Variants in GARRE1 observed in about 807,000 individuals in gnomAD.
GARRE1 encodes granule associated Rac and RHOG effector protein 1.
A neutral mutation model predicts 103.2 loss-of-function variants in GARRE1; 49 were observed. The ratio of observed to expected loss-of-function variants is 0.47; its 90% CI spans 0.38 to 0.60. GARRE1 has a LOEUF of 0.60. Among genes scored for constraint, GARRE1 ranks in the 20% least tolerant of loss-of-function variants. GARRE1 has a pLI of 0.00. For missense variants in GARRE1, 1,199 were observed against 1,370.5 expected (o/e 0.87, Z 1.98); for synonymous variants, 505 against 532.8 (o/e 0.95, Z 0.72).
At chr19:34,339,766 G>C in intron 8 of GARRE1, 101 bp from the exon 9 acceptor site, 1 of 1,433,238 alleles carries the variant, frequency 7.0e-7, no homozygotes. Context: ...TTTGCTGGGC[G>C]CCAGAGGTAC....
intron 6 of GARRE1, among the ~76,000 whole-genome samples, 195 bp downstream of exon 6, chr19:34,328,346 A>T: frequency 6.6e-6 from 1 of 152,072 alleles, no homozygotes; most frequent in East Asian, 2.0e-4. Context: ...CCTGATCAAC[A>T]TGGTGAAACC....
At chr19:34,344,706 G>A (rs1302378960) in intron 10 of GARRE1, among the ~76,000 whole-genome samples, 1 of 151,832 alleles carries the variant, frequency 6.6e-6, no homozygotes, top group Non-Finnish European at 1.5e-5. Flanking sequence ...AGAGTCTCAC[G>A]TTGTTGCCCA....
intron 2 of GARRE1, among the ~76,000 whole-genome samples, chr19:34,308,916 G>A (rs1310936079): frequency 6.6e-6 from 1 of 152,128 alleles, no homozygotes; most frequent in Non-Finnish European, 1.5e-5. Flanking sequence ...TTGGAAGGTT[G>A]CTGAGGAACC....
chr19:34,328,346 A>C (rs529798166), intron 6 of GARRE1, among the ~76,000 whole-genome samples, 195 bp downstream of exon 6: 18 of 152,072 alleles, frequency 1.2e-4, no homozygotes, highest in Non-Finnish European at 2.5e-4. Context: ...CCTGATCAAC[A>C]TGGTGAAACC....
chr19:34,291,200 G>A (rs897718992), intron 1 of GARRE1, among the ~76,000 whole-genome samples: 3 of 151,906 alleles, frequency 2.0e-5, no homozygotes, highest in Non-Finnish European at 4.4e-5. Flanking sequence ...GAGCCACCGC[G>A]CCCAGCCGCA....
chr19:34,261,834 C>T (rs1233695617), intron 1 of GARRE1, among the ~76,000 whole-genome samples: 1 of 152,124 alleles, frequency 6.6e-6, no homozygotes, highest in Middle Eastern at 3.2e-3. Context: ...CACTTCAGGT[C>T]CTGTGCTGAG....
chr19:34,271,685 C>G (rs1052232417), intron 1 of GARRE1, among the ~76,000 whole-genome samples: 1 of 152,026 alleles, frequency 6.6e-6, no homozygotes, highest in African/African-American at 2.4e-5. Context: ...TGTAGAGAGA[C>G]CCCATCTCTA....
intron 1 of GARRE1, among the ~76,000 whole-genome samples, chr19:34,264,170 C>T (rs2073736942): frequency 6.6e-6 from 1 of 152,166 alleles, no homozygotes; most frequent in South Asian, 2.1e-4. Context: ...ATGACAGAGA[C>T]AGCAGAGGCT....
chr19:34,321,079 C>T (rs1369675912), intron 3 of GARRE1, among the ~76,000 whole-genome samples: 1 of 87,354 alleles, frequency 1.1e-5, no homozygotes, highest in Non-Finnish European at 2.2e-5. Flanking sequence ...TTTTTTGAGA[C>T]GGAGTCTCGC....
intron 11 of GARRE1, 109 bp from the exon 12 acceptor site, chr19:34,348,907 A>T: frequency 8.0e-7 from 1 of 1,257,090 alleles, no homozygotes; most frequent in Admixed American, 2.0e-5. Context: ...ACAAGAGACC[A>T]CTATTTGGTT....
At position 34,352,680 on chromosome 19, in the gene GARRE1, C is replaced by A; in HGVS notation, c.2938C>A (p.Pro980Thr). The A allele has an allele frequency of 6.2e-7, 1 of 1,612,558 alleles. No homozygotes were observed. The highest frequency in any genetic ancestry group is 1.1e-5 in the South Asian group (1 of 91,044). The change falls in exon 14 of 14, where the codon CCC (proline) becomes ACC (threonine). Residue 980 changes from proline to threonine, a missense_variant. By Grantham distance (38) the Pro-to-Thr change is conservative (BLOSUM62 -1). Transcript: ENST00000299505. ...NKTKTWPPKA[P>T]WQHPSPLPST... ...AACCAAAACGTGGCCACCCAAAGCA[C>A]CCTGGCAGCACCCTTCCCCGCTTCC...
At chr19:34,293,578 G>A (rs1271411129) in intron 1 of GARRE1, among the ~76,000 whole-genome samples, 1 of 151,108 alleles carries the variant, frequency 6.6e-6, no homozygotes, top group Non-Finnish European at 1.5e-5. Context: ...GTATGTTTTT[G>A]TAGAGACAGG....
At chr19:34,287,668 C>G (rs1444277755) in intron 1 of GARRE1, among the ~76,000 whole-genome samples, 1 of 152,136 alleles carries the variant, frequency 6.6e-6, no homozygotes, top group Non-Finnish European at 1.5e-5. Flanking sequence ...GCTTATTTCT[C>G]ACAGTTCCAA....
At chr19:34,350,206 C>G (rs2074229824) in intron 12 of GARRE1, among the ~76,000 whole-genome samples, 1 of 152,120 alleles carries the variant, frequency 6.6e-6, no homozygotes, top group Non-Finnish European at 1.5e-5. Flanking sequence ...GAGAGCTGAA[C>G]AAAGTGCGGC....
chr19:34,321,967 G>C (rs1000809414), intron 3 of GARRE1, among the ~76,000 whole-genome samples: 1 of 152,124 alleles, frequency 6.6e-6, no homozygotes, highest in African/African-American at 2.4e-5. Context: ...TTCTCCTCTC[G>C]TGGTGACAAC....
At chr19:34,284,328 T>C (rs1297807686) in intron 1 of GARRE1, among the ~76,000 whole-genome samples, 1 of 152,036 alleles carries the variant, frequency 6.6e-6, no homozygotes, top group Non-Finnish European at 1.5e-5. Context: ...TTTCACTGTG[T>C]TGGCCAGACT....
At chr19:34,340,046 A>G (rs939986229) in intron 9 of GARRE1, 54 bp downstream of exon 9, 3 of 1,594,428 alleles carry the variant, frequency 1.9e-6, no homozygotes, top group African/African-American at 2.7e-5. Flanking sequence ...GTGACTATGC[A>G]CAGTTTCATG....
chr19:34,254,786 C>G lies in GARRE1; in HGVS notation c.-796+172C>G, dbSNP rs562073152. On this transcript the variant is annotated intron_variant, in intron 1 of 13. Transcript: ENST00000299505. Reference sequence around the variant, plus strand: ...GGGCCGTGGGCTCCCGCCCCTTGCCCGCCCGCTGTGGAGGACGCCGGGCTT... The same window carrying G: ...GGGCCGTGGGCTCCCGCCCCTTGCCGGCCCGCTGTGGAGGACGCCGGGCTT... 6.7e-5 allele frequency among the ~76,000 whole-genome samples: 10 copies of G among 149,196 alleles called. No homozygotes were observed. In the East Asian group the frequency reaches 2.0e-3, roughly 29 times the overall value.
intron 2 of GARRE1, among the ~76,000 whole-genome samples, chr19:34,317,791 G>T (rs1324933937): frequency 6.6e-6 from 1 of 152,206 alleles, no homozygotes; most frequent in Non-Finnish European, 1.5e-5. Context: ...GATTGAATGC[G>T]CTAGCCCATG....
Sources: allele counts gnomAD v4.1 joint callset (sites outside exome capture counted in the v4.1 genomes callset), GRCh38; gene constraint gnomAD v4.1.1; transcripts MANE v1.5; gene names NCBI Gene and HGNC (gene_info 2026-07-23, HGNC 2026-07-21).